The following ZNF804A variants were observed in gnomAD, a reference collection of about 807,000 sequenced individuals.
ZNF804A encodes the protein zinc finger protein 804A.
A neutral mutation model predicts 16.5 loss-of-function variants in ZNF804A; 2 were observed. That is an observed-to-expected ratio of 0.12 (90% CI 0.05 to 0.38). The LOEUF (loss-of-function observed/expected upper bound fraction) is 0.38. Among genes scored for constraint, ZNF804A ranks in the 10% least tolerant of loss-of-function variants. The pLI, the probability that ZNF804A is intolerant of heterozygous loss-of-function variation, is 0.99. For missense variants in ZNF804A, 1,473 were observed against 1,390.7 expected (o/e 1.06, Z -0.94); for synonymous variants, 534 against 489.6 (o/e 1.09, Z -1.20).
rs199534524 is a variant in ZNF804A, at chr2:184,895,195, CGT to C, written c.255+28696_255+28697del. Reference sequence around the variant, plus strand: ...GCTGAAGCATCGGTCTTTTTATGCTCGTGTGTGTGTGTGTTTGTGGGTGGGTG... The same window carrying C: ...GCTGAAGCATCGGTCTTTTTATGCTCGTGTGTGTGTGTTTGTGGGTGGGTG... On this transcript the variant is annotated intron_variant, in intron 2 of 3. Coordinates refer to ENST00000302277, the MANE Select transcript of ZNF804A (RefSeq NM_194250.2). Among the ~76,000 whole-genome samples, 10 of 150,704 alleles carry C rather than the reference CGT, an allele frequency of 6.6e-5. No homozygotes were observed. The South Asian group carries it at 1.1e-3, about 16-fold the overall frequency.
At chr2:184,836,731 C>T (rs1029347502) in intron 1 of ZNF804A, among the ~76,000 whole-genome samples, 6 of 151,110 alleles carry the variant, frequency 4.0e-5, no homozygotes, top group Non-Finnish European at 5.9e-5. Flanking sequence ...TCATCTCTTG[C>T]GTGAGCATTT....
At chr2:184,691,708 T>A (rs1692731960) in intron 1 of ZNF804A, among the ~76,000 whole-genome samples, 1 of 151,738 alleles carries the variant, frequency 6.6e-6, no homozygotes, top group African/African-American at 2.4e-5. Context: ...TTAATATAGG[T>A]AAGGGAAGGA....
chr2:184,658,312 C>T (rs1692114559), intron 1 of ZNF804A, among the ~76,000 whole-genome samples: 1 of 152,062 alleles, frequency 6.6e-6, no homozygotes, highest in African/African-American at 2.4e-5. Flanking sequence ...TTTTAGCCTA[C>T]TAAAAATACA....
intron 1 of ZNF804A, among the ~76,000 whole-genome samples, chr2:184,865,518 G>A (rs1378673380): frequency 6.6e-6 from 1 of 151,958 alleles, no homozygotes; most frequent in Non-Finnish European, 1.5e-5. Flanking sequence ...AGGCTCTTTT[G>A]CCATTATTTG....
intron 1 of ZNF804A, among the ~76,000 whole-genome samples, chr2:184,864,667 T>C (rs192122673): frequency 9.1e-4 from 138 of 152,288 alleles, no homozygotes; most frequent in Non-Finnish European, 1.5e-3. Context: ...GTATTAGTCA[T>C]GTATTAAATT....
intron 1 of ZNF804A, among the ~76,000 whole-genome samples, chr2:184,693,143 A>G (rs1368724164): frequency 6.6e-6 from 1 of 152,098 alleles, no homozygotes; most frequent in Non-Finnish European, 1.5e-5. Flanking sequence ...CATCTGCCAA[A>G]CCTGTGTACT....
chr2:184,702,321 T>C (rs953883658), intron 1 of ZNF804A, among the ~76,000 whole-genome samples: 9 of 152,046 alleles, frequency 5.9e-5, no homozygotes, highest in Non-Finnish European at 1.0e-4. Flanking sequence ...GATATGAATT[T>C]ACATGCAAGA....
At chr2:184,902,198 G>A (rs1685195939) in intron 2 of ZNF804A, 1 of 164,964 alleles carries the variant, frequency 6.1e-6, no homozygotes, top group Non-Finnish European at 1.3e-5. Flanking sequence ...GCCTGATCAG[G>A]GTGTGGACCT....
At chr2:184,853,838 A>G (rs1459917977) in intron 1 of ZNF804A, among the ~76,000 whole-genome samples, 2 of 147,968 alleles carry the variant, frequency 1.4e-5, no homozygotes, top group Non-Finnish European at 3.0e-5. Context: ...AAAAATTGAT[A>G]TTACAGGGAT....
chr2:184,634,509 T>C (rs1191059637), intron 1 of ZNF804A, among the ~76,000 whole-genome samples: 2 of 151,484 alleles, frequency 1.3e-5, no homozygotes, highest in African/African-American at 4.9e-5. Context: ...AGTAGAGTCA[T>C]GGGCAGAGAA....
intron 1 of ZNF804A, among the ~76,000 whole-genome samples, chr2:184,603,182 A>G (rs1691078151): frequency 6.6e-6 from 1 of 152,148 alleles, no homozygotes; most frequent in African/African-American, 2.4e-5. Flanking sequence ...GTTCATTCAA[A>G]TTTATCGAGG....
chr2:184,720,212 C>A (rs1338449916), intron 1 of ZNF804A, among the ~76,000 whole-genome samples: 1 of 152,150 alleles, frequency 6.6e-6, no homozygotes, highest in Admixed American at 6.6e-5. Context: ...ATAATTCAGT[C>A]ACCTCCCACA....
At chr2:184,870,330 G>C (rs990191043) in intron 2 of ZNF804A, among the ~76,000 whole-genome samples, 1 of 151,910 alleles carries the variant, frequency 6.6e-6, no homozygotes, top group Non-Finnish European at 1.5e-5. Flanking sequence ...GGTGATGTAG[G>C]GTGATGGGAT....
Position 184,695,465 on chromosome 2 carries a change from T to TTAAAAAAA in ZNF804A, c.111+96395_111+96396insTAAAAAAA, listed in dbSNP as rs1188268647. Among the ~76,000 whole-genome samples, 51 of 51,828 alleles carry TTAAAAAAA rather than the reference T, an allele frequency of 9.8e-4. 2 individuals are homozygous for TTAAAAAAA. Among genetic ancestry groups the TTAAAAAAA allele is most frequent in the African/African-American group, 4.2e-3 (45 of 10,602 alleles). The allele number at this position is 51,828 out of a possible 152,430, so 34.0% of individuals were successfully genotyped here. ...GGGCGACAGAGCGAGACTCCGTCAT[T>TTAAAAAAA]AAAAAAAAAAAAAAAAAAAAAAAAA... On this transcript the variant is annotated intron_variant, in intron 1 of 3. Coordinates refer to ENST00000302277, the MANE Select transcript of ZNF804A (RefSeq NM_194250.2).
rs565987754 is a variant in ZNF804A at position 184,835,648 on chromosome 2, T to TAGCTC, written c.112-30718_112-30714dup. ...ACAAATGAGAGAGAAATAATTCATT[T>TAGCTC]AGCTCAGGAAGGCATGAAAAAAAAA... On this transcript the variant is annotated intron_variant, in intron 1 of 3. Transcript: ENST00000302277. 1.5e-4 allele frequency among the ~76,000 whole-genome samples: 22 copies of TAGCTC among 148,550 alleles called. No homozygotes were observed. The South Asian group carries it at 4.6e-3, about 31-fold the overall frequency.
chr2:184,839,534 T>C (rs570721616), intron 1 of ZNF804A, among the ~76,000 whole-genome samples: 1 of 152,230 alleles, frequency 6.6e-6, no homozygotes, highest in African/African-American at 2.4e-5. Flanking sequence ...ATAGGTGTTT[T>C]GTAGTACAAA....
intron 1 of ZNF804A, among the ~76,000 whole-genome samples, chr2:184,630,636 C>T (rs1000768372): frequency 7.2e-5 from 11 of 152,064 alleles, no homozygotes; most frequent in Non-Finnish European, 1.0e-4. Flanking sequence ...GTTTAATCTA[C>T]TCATCTATCA....
At chr2:184,804,283 A>G (rs993579144) in intron 1 of ZNF804A, among the ~76,000 whole-genome samples, 1 of 152,150 alleles carries the variant, frequency 6.6e-6, no homozygotes, top group African/African-American at 2.4e-5. Context: ...TTTGCCAAAC[A>G]AGGTGACATT....
intron 3 of ZNF804A, among the ~76,000 whole-genome samples, chr2:184,933,981 T>TG (rs1243700274): frequency 3.3e-5 from 5 of 152,116 alleles, no homozygotes; most frequent in Non-Finnish European, 5.9e-5. Context: ...AACTTTATGT[T>TG]ATTATTTAAG....
Sources: gnomAD v4.1 joint callset for allele counts (sites outside exome capture counted in the v4.1 genomes callset) on GRCh38, gnomAD v4.1.1 for gene constraint, MANE v1.5 for transcripts, NCBI Gene and HGNC (gene_info 2026-07-23, HGNC 2026-07-21) for gene names.